The following PLB1 variants were observed in gnomAD, a reference collection of about 807,000 sequenced individuals.
The protein encoded by PLB1 is phospholipase B1.
A neutral mutation model predicts 227.4 loss-of-function variants in PLB1; 242 were observed. That is an observed-to-expected ratio of 1.06 (90% CI 0.96 to 1.18). The LOEUF (loss-of-function observed/expected upper bound fraction) is 1.18. Ranked by LOEUF, PLB1 falls within the 50% of genes most tolerant of loss-of-function variation. The pLI is 0.00. For synonymous variants in PLB1, 757 were observed against 682.2 expected (o/e 1.11, Z -1.71); for missense variants, 1,858 against 1,816.3 (o/e 1.02, Z -0.42).
At chr2:28,497,187 G>A (rs1666556889) in intron 1 of PLB1, among the ~76,000 whole-genome samples, 1 of 152,184 alleles carries the variant, frequency 6.6e-6, no homozygotes, top group Non-Finnish European at 1.5e-5. Context: ...CTCCATATAT[G>A]CTGTGTACTA....
chr2:28,513,336 T>C lies in PLB1; in HGVS notation c.56-3472T>C, dbSNP rs145727765. The stretch of plus-strand genomic sequence containing the variant: ...TATTCAAGTCTGGTCTTTAGACTTT[T>C]TACAGATCAGCGCATTTCTAGTTTA... On this transcript the variant is annotated intron_variant, in intron 1 of 57. Coordinates refer to ENST00000327757, the MANE Select transcript of PLB1 (RefSeq NM_153021.5). Among the ~76,000 whole-genome samples the C allele has an allele frequency of 2.8e-3, 427 of 152,372 alleles. 3 individuals carry two copies. The highest frequency in any genetic ancestry group is 9.7e-3 in the African/African-American group (404 of 41,592).
intron 43 of PLB1, among the ~76,000 whole-genome samples, chr2:28,611,848 A>C (rs1685498921): frequency 6.6e-6 from 1 of 152,042 alleles, no homozygotes; most frequent in Non-Finnish European, 1.5e-5. Context: ...TCTCCTTGAA[A>C]GGATGTCAGG....
intron 1 of PLB1, among the ~76,000 whole-genome samples, chr2:28,509,679 G>A (rs1005316039): frequency 6.6e-6 from 1 of 151,930 alleles, no homozygotes; most frequent in Non-Finnish European, 1.5e-5. Context: ...TTTTTCCCCT[G>A]ACTGCCCTGA....
chr2:28,579,681 G>T lies in PLB1; in HGVS notation c.1540G>T (p.Asp514Tyr). The change falls in exon 23 of 58, where the codon GAC becomes TAC. Residue 514 changes from aspartate to tyrosine, a missense_variant. Physicochemically the swap from Asp to Tyr is radical, Grantham distance 160. Transcript: ENST00000327757. ...AATAACCCTGTTTATAGGCGGCAAT[G>T]ACCTCTGTGATTTCTGCAATGATCT... is the stretch of plus-strand genomic sequence containing the variant. Reference protein sequence around the residue: ...KIITLFIGGNDLCDFCNDLVH... With the variant: ...KIITLFIGGNYLCDFCNDLVH... 1.2e-6 allele frequency: 2 copies of T among 1,613,324 alleles called. No individual in the cohort carries two copies. Among genetic ancestry groups the T allele is most frequent in the South Asian group, 2.2e-5 (2 of 91,062 alleles).
intron 9 of PLB1, among the ~76,000 whole-genome samples, chr2:28,535,869 G>A (rs900207290): frequency 1.3e-5 from 2 of 152,140 alleles, no homozygotes; most frequent in African/African-American, 4.8e-5. Flanking sequence ...GCAGTGAGCT[G>A]AGATCATGCC....
intron 43 of PLB1, among the ~76,000 whole-genome samples, chr2:28,608,495 G>C (rs1398299262): frequency 6.6e-6 from 1 of 152,232 alleles, no homozygotes; most frequent in Non-Finnish European, 1.5e-5. Context: ...CCCATCCGCA[G>C]TCTAACTGCT....
At chr2:28,636,034 T>TGTGTATGA (rs1340140730) in intron 56 of PLB1, among the ~76,000 whole-genome samples, 1 of 24,806 alleles carries the variant, frequency 4.0e-5, no homozygotes, top group Non-Finnish European at 1.3e-4. Context: ...TGTGTATGTG[T>TGTGTATGA]GTGTGTGTAT....
intron 1 of PLB1, among the ~76,000 whole-genome samples, chr2:28,508,752 G>A (rs966737024): frequency 6.6e-6 from 1 of 152,218 alleles, no homozygotes; most frequent in Non-Finnish European, 1.5e-5. Flanking sequence ...TGCTGGTGTG[G>A]TCTGCATGCA....
In PLB1 at chr2:28,617,864, AC is replaced by A; in HGVS notation, c.3256+80del. Reference sequence around the variant, plus strand: ...GGTTGTGGGGAGACCCTGCAAACATACCCTGGAGCTTTAAGCAGGACTTGCT... The same window carrying A: ...GGTTGTGGGGAGACCCTGCAAACATACCTGGAGCTTTAAGCAGGACTTGCT... On this transcript the variant is annotated intron_variant, in intron 45 of 57. Coordinates refer to ENST00000327757, the MANE Select transcript of PLB1 (RefSeq NM_153021.5). 3.6e-6 allele frequency: 5 copies of A among 1,404,214 alleles called. No individual in the cohort carries two copies. The South Asian group carries it at 5.8e-5, about 16-fold the overall frequency. 87.0% of individuals were successfully genotyped at this position (1,404,214 alleles called of 1,614,324 possible). A position where few individuals can be genotyped will look rare whatever the true frequency, so the allele number is the denominator to read the frequency against.
chr2:28,582,962 A>G (rs893993145), intron 25 of PLB1, among the ~76,000 whole-genome samples: 1 of 152,086 alleles, frequency 6.6e-6, no homozygotes, highest in Non-Finnish European at 1.5e-5. Flanking sequence ...ATTCACAGAT[A>G]TAGGGCCACT....
At chr2:28,574,938 C>G (rs1161833267) in intron 21 of PLB1, among the ~76,000 whole-genome samples, 1 of 152,128 alleles carries the variant, frequency 6.6e-6, no homozygotes, top group Non-Finnish European at 1.5e-5. Flanking sequence ...TAGGTTGGTT[C>G]CATATCTTTG....
intron 51 of PLB1, among the ~76,000 whole-genome samples, chr2:28,626,741 G>A (rs1646933357): frequency 6.6e-6 from 1 of 152,206 alleles, no homozygotes; most frequent in Admixed American, 6.5e-5. Flanking sequence ...CCAGAAGTAA[G>A]GCCAAGGTGG....
intron 18 of PLB1, 63 bp from the exon 19 acceptor site, chr2:28,565,217 G>A (rs1676676807): frequency 2.1e-6 from 3 of 1,441,202 alleles, no homozygotes; most frequent in African/African-American, 1.4e-5. Context: ...CCTTTTGGCA[G>A]GTAGGCAGAG....
intron 21 of PLB1, 131 bp from the exon 22 acceptor site, chr2:28,577,976 C>A: frequency 1.2e-6 from 1 of 843,418 alleles, no homozygotes; most frequent in Non-Finnish European, 2.0e-6. Context: ...GCGACACGGC[C>A]TTCAGTCCAT....
Position 28,553,701 on chromosome 2 carries a change from G to C in PLB1, c.1147+710G>C, listed in dbSNP as rs549512078. ...AGATTCCCATGCTTGGTCCTAAAGG[G>C]GGGGGACTCACGTGTCCATTTATTT... On this transcript the variant is annotated intron_variant, in intron 17 of 57. Coordinates refer to ENST00000327757, the MANE Select transcript of PLB1 (RefSeq NM_153021.5). Among the ~76,000 whole-genome samples, 55 of 152,292 alleles carry C rather than the reference G, an allele frequency of 3.6e-4. 1 individual carries two copies. The highest frequency in any genetic ancestry group is 1.3e-3 in the African/African-American group (53 of 41,556).
intron 2 of PLB1, among the ~76,000 whole-genome samples, chr2:28,518,171 C>G (rs1021986515): frequency 6.6e-6 from 1 of 152,168 alleles, no homozygotes; most frequent in Non-Finnish European, 1.5e-5. Flanking sequence ...CATGAGCCAC[C>G]GTGCCCAGCC....
In PLB1 at chr2:28,592,657, C is replaced by G; in HGVS notation, c.2189-4C>G. 6.2e-7 allele frequency: 1 copy of G among 1,614,138 alleles called. No individual in the cohort carries two copies. Among genetic ancestry groups the G allele is most frequent in the Admixed American group, 1.7e-5 (1 of 60,014 alleles). On this transcript the variant is annotated splice_region_variant and splice_polypyrimidine_tract_variant and intron_variant, in intron 31 of 57. Transcript: ENST00000327757. ...GCCCTAAGTGTGTCCACTTGTCTTT[C>G]CAGTGCATGCCCTGAGACCTGCAGA...
rs376061810 is a variant in PLB1 at position 28,542,481 on chromosome 2, G to A, written c.879+670G>A. Reference sequence around the variant, plus strand: ...CATTTAGTAACATGTTCTCTCTCTCGGTGGCCATCAGGGCCACATGAGTTA... The same window carrying A: ...CATTTAGTAACATGTTCTCTCTCTCAGTGGCCATCAGGGCCACATGAGTTA... On this transcript the variant is annotated intron_variant, in intron 13 of 57. Transcript: ENST00000327757. 5.9e-5 allele frequency among the ~76,000 whole-genome samples: 9 copies of A among 152,098 alleles called. No individual in the cohort carries two copies. The East Asian group carries it at 1.3e-3, about 23-fold the overall frequency.
intron 1 of PLB1, among the ~76,000 whole-genome samples, chr2:28,514,185 T>C (rs1181386499): frequency 6.6e-6 from 1 of 152,374 alleles, no homozygotes; most frequent in East Asian, 1.9e-4. Flanking sequence ...CAGCATCATT[T>C]GTTGAAAAGA....
Sources: allele counts gnomAD v4.1 joint callset (sites outside exome capture counted in the v4.1 genomes callset), GRCh38; gene constraint gnomAD v4.1.1; transcripts MANE v1.5; gene names NCBI Gene and HGNC (gene_info 2026-07-23, HGNC 2026-07-21).